PDE3A: variants seen among roughly 807,000 people sequenced by gnomAD.
PDE3A encodes the protein cGMP-inhibited 3',5'-cyclic phosphodiesterase 3A.
Under a neutral mutation model 98.3 loss-of-function variants are expected in PDE3A, and 43 were observed. The observed-to-expected ratio is 0.44, with a 90% CI of 0.34 to 0.56. PDE3A has a LOEUF of 0.56. PDE3A is among the 20% of genes least tolerant of loss of function. The pLI, the probability that PDE3A is intolerant of heterozygous loss-of-function variation, is 0.01. For missense variants in PDE3A, 1,427 were observed against 1,440.7 expected (o/e 0.99, Z 0.15); for synonymous variants, 663 against 567.9 (o/e 1.17, Z -2.38).
intron 9 of PDE3A, among the ~76,000 whole-genome samples, chr12:20,638,735 T>G (rs1004414948): frequency 3.9e-5 from 6 of 152,122 alleles, no homozygotes; most frequent in Admixed American, 2.0e-4. Flanking sequence ...TCTCTCTTGA[T>G]TTTATTTTTT....
chr12:20,410,512 C>T (rs1944313871), intron 1 of PDE3A, among the ~76,000 whole-genome samples: 1 of 152,152 alleles, frequency 6.6e-6, no homozygotes, highest in Non-Finnish European at 1.5e-5. Context: ...TGAAGCTACA[C>T]CGTGATCCTG....
chr12:20,506,880 A>T (rs1946128719), intron 1 of PDE3A, among the ~76,000 whole-genome samples: 1 of 152,018 alleles, frequency 6.6e-6, no homozygotes, highest in Non-Finnish European at 1.5e-5. Context: ...TTTAGCTCAC[A>T]TTTGTCATCA....
At position 20,524,233 on chromosome 12, in the gene PDE3A, T is replaced by G. The variant is rs1946477630; in HGVS notation, c.961-32427T>G. ...CTGTGTTTAGGTTTCAGTGACAAGT[T>G]TTCGTAGCAGTTGCGGCTGCATTTA... is the stretch of plus-strand genomic sequence containing the variant. On this transcript the variant is annotated intron_variant, in intron 1 of 15. Coordinates refer to ENST00000359062, the MANE Select transcript of PDE3A (RefSeq NM_000921.5). 3.9e-5 allele frequency among the ~76,000 whole-genome samples: 6 copies of G among 152,232 alleles called. No individual in the cohort carries two copies. The South Asian group carries it at 1.2e-3, about 31-fold the overall frequency.
intron 1 of PDE3A, among the ~76,000 whole-genome samples, chr12:20,485,920 T>C (rs1331868305): frequency 2.0e-5 from 3 of 152,226 alleles, no homozygotes; most frequent in Non-Finnish European, 2.9e-5. Flanking sequence ...GAGGAGTCTG[T>C]GGCCTGACCA....
At chr12:20,631,700 A>ATTTTTTTTTTTTTTTTTTTT (rs58133440) in intron 6 of PDE3A, among the ~76,000 whole-genome samples, 1 of 116,876 alleles carries the variant, frequency 8.6e-6, no homozygotes, top group Non-Finnish European at 1.8e-5. Flanking sequence ...ATCATAGTGT[A>ATTTTTTTTTTTTTTTTTTTT]TTTTTTTTTT....
chr12:20,656,882 C>A (rs916695908), intron 15 of PDE3A, among the ~76,000 whole-genome samples: 1 of 152,154 alleles, frequency 6.6e-6, no homozygotes, highest in African/African-American at 2.4e-5. Flanking sequence ...GTCAACCTAG[C>A]CTTTAGCAGC....
At chr12:20,670,684 G>A (rs1391909373) in intron 15 of PDE3A, among the ~76,000 whole-genome samples, 1 of 145,856 alleles carries the variant, frequency 6.9e-6, no homozygotes, top group Non-Finnish European at 1.5e-5. Flanking sequence ...GAATCTCTGG[G>A]ACGCATTCAA....
intron 1 of PDE3A, among the ~76,000 whole-genome samples, chr12:20,378,023 A>G (rs1943602193): frequency 6.6e-6 from 1 of 151,774 alleles, no homozygotes; most frequent in African/African-American, 2.4e-5. Flanking sequence ...GCCTGCTCCT[A>G]GCTTTAATGG....
At chr12:20,373,522 A>G (rs1472066576) in intron 1 of PDE3A, among the ~76,000 whole-genome samples, 1 of 152,128 alleles carries the variant, frequency 6.6e-6, no homozygotes, top group Non-Finnish European at 1.5e-5. Flanking sequence ...CTCTTTATAA[A>G]TAAAGAACTA....
At chr12:20,428,523 C>T (rs112194530) in intron 1 of PDE3A, among the ~76,000 whole-genome samples, 2,296 of 152,090 alleles carry the variant, frequency 0.015, 58 homozygotes, top group African/African-American at 0.051. Context: ...CCTCGTGATC[C>T]GCCCGTCTCA....
chr12:20,430,658 A>G (rs569361104), intron 1 of PDE3A, among the ~76,000 whole-genome samples: 1 of 152,292 alleles, frequency 6.6e-6, no homozygotes, highest in East Asian at 1.9e-4. Context: ...GGGCTACTCT[A>G]TAGAAATTTT....
chr12:20,638,646 C>A (rs1314099740), intron 9 of PDE3A, among the ~76,000 whole-genome samples: 1 of 152,108 alleles, frequency 6.6e-6, no homozygotes, highest in Non-Finnish European at 1.5e-5. Flanking sequence ...TGGAAAACTG[C>A]AACTTTGAGG....
In PDE3A at chr12:20,369,190, C is replaced by CGTGTGTGT. The variant is rs140759925; in HGVS notation, c.-81_-74dup. 5.2e-5 allele frequency: 34 copies of CGTGTGTGT among 653,572 alleles called. No homozygotes were observed. Among genetic ancestry groups the CGTGTGTGT allele is most frequent in the African/African-American group, 4.6e-4 (24 of 52,402 alleles). 40.5% of individuals were successfully genotyped at this position (653,572 alleles called of 1,614,324 possible). ...GGTGGAATTGGGAAGAGCGTGCGTG[C>CGTGTGTGT]GTGTGTGTGTGTGTGTGTGTGCGCG... On this transcript the variant is annotated 5_prime_UTR_variant, in exon 1 of 16. Transcript: ENST00000359062.
chr12:20,620,070 C>T (rs531630033), intron 4 of PDE3A, among the ~76,000 whole-genome samples: 8 of 152,154 alleles, frequency 5.3e-5, no homozygotes, highest in Non-Finnish European at 1.2e-4. Context: ...TTGGATTTAG[C>T]ATGCAGTGTT....
At chr12:20,416,721 T>G (rs1273678891) in intron 1 of PDE3A, among the ~76,000 whole-genome samples, 1 of 152,200 alleles carries the variant, frequency 6.6e-6, no homozygotes, top group Non-Finnish European at 1.5e-5. Flanking sequence ...GAAGGCAACC[T>G]ATCTGATTTC....
At chr12:20,508,871 T>TAA (rs1157059516) in intron 1 of PDE3A, among the ~76,000 whole-genome samples, 2 of 151,958 alleles carry the variant, frequency 1.3e-5, no homozygotes, top group East Asian at 3.9e-4. Flanking sequence ...CTTTTTTTTT[T>TAA]AAGCATTAAA....
intron 10 of PDE3A, among the ~76,000 whole-genome samples, chr12:20,643,488 C>T (rs1462605768): frequency 6.6e-6 from 1 of 152,124 alleles, no homozygotes; most frequent in Non-Finnish European, 1.5e-5. Flanking sequence ...GATTAATAAA[C>T]ATGTCACTGA....
At chr12:20,631,928 C>A (rs1944389822) in intron 6 of PDE3A, among the ~76,000 whole-genome samples, 2 of 91,886 alleles carry the variant, frequency 2.2e-5, no homozygotes, top group Admixed American at 2.2e-4. Flanking sequence ...CAGAAACACA[C>A]AACTAATTGT....
At chr12:20,418,445 A>C (rs1025648675) in intron 1 of PDE3A, among the ~76,000 whole-genome samples, 15 of 152,086 alleles carry the variant, frequency 9.9e-5, no homozygotes, top group Non-Finnish European at 7.4e-5. Flanking sequence ...GTTTTTGTGA[A>C]TTGACCTCAC....
Sources: allele counts gnomAD v4.1 joint callset (sites outside exome capture counted in the v4.1 genomes callset), GRCh38; gene constraint gnomAD v4.1.1; transcripts MANE v1.5; gene names NCBI Gene and HGNC (gene_info 2026-07-23, HGNC 2026-07-21).